PCDHGA5: variants seen among roughly 807,000 people sequenced by gnomAD.
The protein encoded by PCDHGA5 is protocadherin gamma subfamily A, 5.
A neutral mutation model predicts 56.7 loss-of-function variants in PCDHGA5; 36 were observed. The observed-to-expected ratio is 0.64, with a 90% CI of 0.49 to 0.84. The LOEUF (loss-of-function observed/expected upper bound fraction) is 0.84, where lower values mean the gene tolerates loss of function less well. Among genes scored for constraint, PCDHGA5 ranks in the 40% least tolerant of loss-of-function variants. The pLI, the probability that PCDHGA5 is intolerant of heterozygous loss-of-function variation, is 0.00. For synonymous variants in PCDHGA5, 563 were observed against 520.2 expected (o/e 1.08, Z -1.12); for missense variants, 1,305 against 1,201.5 (o/e 1.09, Z -1.27).
intron 1 of PCDHGA5, chr5:141,415,217 GCTTCGAGTCT>G: frequency 2.5e-6 from 4 of 1,614,124 alleles, no homozygotes; most frequent in Non-Finnish European, 3.4e-6. Context: ...GACCTCGGCA[GCTTCGAGTCT>G]CCAGCTAACT....
chr5:141,500,986 A>G (rs1223940696), intron 2 of PCDHGA5, among the ~76,000 whole-genome samples: 1 of 151,656 alleles, frequency 6.6e-6, no homozygotes, highest in East Asian at 1.9e-4. Flanking sequence ...CTCCTGCCTC[A>G]GCCTCCTGAG....
At chr5:141,392,815 T>G (rs1361544072) in intron 1 of PCDHGA5, 1 of 1,586,560 alleles carries the variant, frequency 6.3e-7, no homozygotes, top group South Asian at 1.1e-5. Flanking sequence ...AAAACAACAA[T>G]GGCCGCTCCA....
Position 141,490,122 on chromosome 5 carries a change from C to T in PCDHGA5, c.2422-4685C>T. 3 of 1,614,260 alleles carry T rather than the reference C, an allele frequency of 1.9e-6. No homozygotes were observed. The highest frequency in any genetic ancestry group is 2.5e-6 in the Non-Finnish European group (3 of 1,180,046). On this transcript the variant is annotated intron_variant, in intron 1 of 3. Coordinates refer to ENST00000518069, the MANE Select transcript of PCDHGA5 (RefSeq NM_018918.3). The surrounding 1 kb of genome is among the most constrained non-coding windows in gnomAD (Gnocchi z 5.4). ...CTGAGGCAGTGCGGAACCTCTTTGG[C>T]CTAGACCCTAGCAGTGGGGCAATCC... is the stretch of plus-strand genomic sequence containing the variant.
intron 1 of PCDHGA5, chr5:141,397,974 C>T: frequency 1.7e-6 from 2 of 1,174,456 alleles, no homozygotes; most frequent in Non-Finnish European, 1.2e-6. Context: ...TCCCCAGCGC[C>T]GGCCTTTACA....
In PCDHGA5 at chr5:141,432,009, G is replaced by A. The variant is rs1227754190; in HGVS notation, c.2422-62798G>A. ...GTCTTGGATAGGGAACAGGTTCCTA[G>A]CTACAACATCACAGTGACCGCCACT... On this transcript the variant is annotated intron_variant, in intron 1 of 3. Coordinates refer to ENST00000518069, the MANE Select transcript of PCDHGA5 (RefSeq NM_018918.3). The surrounding 1 kb of genome is among the most constrained non-coding windows in gnomAD (Gnocchi z 6.0). The A allele has an allele frequency of 1.2e-6, 2 of 1,614,188 alleles. No homozygotes were observed. The highest frequency in any genetic ancestry group is 1.7e-6 in the Non-Finnish European group (2 of 1,180,024).
Position 141,486,271 on chromosome 5 carries a change from C to G in PCDHGA5, c.2422-8536C>G, listed in dbSNP as rs143039217. ...CCCTCCCCGAGAGTGCAGAACCTGG[C>G]ACTGTGGTGGCACTTATCAGTGTGC... On this transcript the variant is annotated intron_variant, in intron 1 of 3. Coordinates refer to ENST00000518069, the MANE Select transcript of PCDHGA5 (RefSeq NM_018918.3). The surrounding 1 kb of genome is among the most constrained non-coding windows in gnomAD (Gnocchi z 5.0). 6.2e-7 allele frequency: 1 copy of G among 1,613,968 alleles called. No homozygotes were observed. Among genetic ancestry groups the G allele is most frequent in the African/African-American group, 1.3e-5 (1 of 74,902 alleles).
intron 1 of PCDHGA5, chr5:141,393,331 GC>G (rs3214276): frequency 0.09 from 144,732 of 1,613,856 alleles, 7,527 homozygotes; most frequent in African/African-American, 0.18. Flanking sequence ...TACCAGCTCA[GC>G]CCCAATCACC....
At chr5:141,444,329 G>A (rs536314842) in intron 1 of PCDHGA5, among the ~76,000 whole-genome samples, 17 of 151,674 alleles carry the variant, frequency 1.1e-4, no homozygotes, top group Admixed American at 1.1e-3. Flanking sequence ...GTGCCACCAC[G>A]CCCAGCTAAT....
chr5:141,403,442 G>C (rs565143998), intron 1 of PCDHGA5: 1 of 1,614,024 alleles, frequency 6.2e-7, no homozygotes, highest in East Asian at 2.2e-5. Flanking sequence ...GGATGTTGGC[G>C]TGAACTCCCT....
rs1378974315 is a variant in PCDHGA5 at position 141,365,738 on chromosome 5, T to A, written c.1408T>A (p.Ser470Thr). The A allele has an allele frequency of 1.9e-6, 3 of 1,613,586 alleles. No homozygotes were observed. The highest frequency in any genetic ancestry group is 3.3e-5 in the Admixed American group (2 of 60,012). Residue 470 changes from serine to threonine, a missense_variant, in exon 1 of 4, where the codon TCT (serine) becomes ACT (threonine). Coordinates refer to ENST00000518069, the MANE Select transcript of PCDHGA5 (RefSeq NM_018918.3). ...CACAGAAAACAATCCCAGAGGTGTCTCTATCTTCTCTGTGACAGCCCATGA... is the reference window on the plus strand; with the variant it reads ...CACAGAAAACAATCCCAGAGGTGTCACTATCTTCTCTGTGACAGCCCATGA... ...SVTENNPRGV[S>T]IFSVTAHDPD...
chr5:141,415,332 G>A (rs758125316), intron 1 of PCDHGA5: 1 of 1,614,214 alleles, frequency 6.2e-7, no homozygotes, highest in South Asian at 1.1e-5. Context: ...TGGCGCACAG[G>A]CTGCGGCGCT....
chr5:141,510,854 T>A, intron 3 of PCDHGA5, 93 bp from the exon 4 acceptor site: 1 of 1,602,320 alleles, frequency 6.2e-7, no homozygotes, highest in East Asian at 2.2e-5. Context: ...CCCAGGGTGC[T>A]GTATAGGCAT....
chr5:141,375,552 C>T, intron 1 of PCDHGA5: 1 of 1,614,058 alleles, frequency 6.2e-7, no homozygotes. Flanking sequence ...GTCTCCTACT[C>T]ACTGGCAGAA....
At chr5:141,405,357 A>G in intron 1 of PCDHGA5, 1 of 1,613,846 alleles carries the variant, frequency 6.2e-7, no homozygotes, top group Non-Finnish European at 8.5e-7. Flanking sequence ...TTTCCTATAG[A>G]AGACACCCCT....
In PCDHGA5 at chr5:141,486,667, G is replaced by A; in HGVS notation, c.2422-8140G>A. On this transcript the variant is annotated intron_variant, in intron 1 of 3. Coordinates refer to ENST00000518069, the MANE Select transcript of PCDHGA5 (RefSeq NM_018918.3). The surrounding 1 kb of genome is among the most constrained non-coding windows in gnomAD (Gnocchi z 5.0). ...TCTCCTACTCACTCCTGGAGCCCAG[G>A]AATCGAGATGTATCAGCTTCCTCTT... 4 of 1,613,948 alleles carry A rather than the reference G, an allele frequency of 2.5e-6. No individual in the cohort carries two copies. Among genetic ancestry groups the A allele is most frequent in the Non-Finnish European group, 3.4e-6 (4 of 1,180,014 alleles).
intron 1 of PCDHGA5, chr5:141,414,886 C>T (rs374779316): frequency 1.4e-5 from 22 of 1,614,120 alleles, no homozygotes; most frequent in African/African-American, 2.7e-5. Context: ...GTACCCCGCC[C>T]TCCCCACAGA....
Position 141,364,941 on chromosome 5 carries a change from A to C in PCDHGA5, c.611A>C (p.Lys204Thr). Residue 204 changes from lysine (K) to threonine (T), a missense_variant, in exon 1 of 4, where the codon AAA (lysine) becomes ACA (threonine). Lys to Thr is a moderately conservative substitution (Grantham distance 78, BLOSUM62 -1). Coordinates refer to ENST00000518069, the MANE Select transcript of PCDHGA5 (RefSeq NM_018918.3). ...TTGGAACAGCCCCTAGACCGCGAGA[A>C]AGAGACTGTTCACGACCTCCTCCTC... Reference protein sequence around the residue: ...LVLEQPLDREKETVHDLLLTA... With the variant: ...LVLEQPLDRETETVHDLLLTA... 6.2e-7 allele frequency: 1 copy of C among 1,613,952 alleles called. No individual in the cohort carries two copies. The highest frequency in any genetic ancestry group is 8.5e-7 in the Non-Finnish European group (1 of 1,179,874).
rs181194736 is a variant in PCDHGA5, at chr5:141,365,055, T to G, written c.725T>G (p.Phe242Cys). The G allele has an allele frequency of 6.2e-7, 1 of 1,613,822 alleles. No homozygotes were observed. The highest frequency in any genetic ancestry group is 8.5e-7 in the Non-Finnish European group (1 of 1,179,890). ...GACGCAAACGACAATGCGCCCCTGT[T>G]CACCCCATCCGAGTACAGCGTGAGT... ...VLDANDNAPL[F>C]TPSEYSVSVP... is the part of the protein sequence containing the mutation. Residue 242 changes from phenylalanine (F) to cysteine (C), a missense_variant, in exon 1 of 4, where the codon TTC (phenylalanine) becomes TGC (cysteine). Transcript: ENST00000518069.
At chr5:141,414,481 C>T (rs1011579090) in intron 1 of PCDHGA5, 2 of 1,613,948 alleles carry the variant, frequency 1.2e-6, no homozygotes, top group Non-Finnish European at 1.7e-6. Context: ...AAGTCCTCCT[C>T]TATCAACGGA....
Sources: gnomAD v4.1 joint callset for allele counts (sites outside exome capture counted in the v4.1 genomes callset) on GRCh38, gnomAD v4.1.1 for gene constraint, Gnocchi (gnomAD v3.1) non-coding constraint, MANE v1.5 for transcripts, NCBI Gene and HGNC (gene_info 2026-07-23, HGNC 2026-07-21) for gene names.